Variants in USP7 observed in about 807,000 individuals in gnomAD.
USP7 encodes the protein ubiquitin specific peptidase 7.
In USP7, 9 loss-of-function variants were observed where a neutral mutation model predicts 162.9. The observed-to-expected ratio is 0.06, with a 90% CI of 0.03 to 0.10. USP7 has a LOEUF of 0.10. USP7 is among the 10% of genes least tolerant of loss of function. The pLI is 1.00. For missense variants in USP7, 715 were observed against 1,373.7 expected, an observed-to-expected ratio of 0.52 and a Z score of 7.58; for synonymous variants, 562 against 475.9, an observed-to-expected ratio of 1.18 and a Z score of -2.35.
chr16:8,948,560 C>A (rs1055614568), intron 1 of USP7, among the ~76,000 whole-genome samples: 1 of 152,188 alleles, frequency 6.6e-6, no homozygotes, highest in African/African-American at 2.4e-5. Flanking sequence ...AAAATACTGA[C>A]TAAAGCCTAT....
At position 8,938,644 on chromosome 16, in the gene USP7, A is replaced by G. The variant is rs187022575; in HGVS notation, c.80-8247T>C. On this transcript the variant is annotated intron_variant, in intron 1 of 30. Transcript: ENST00000344836. ...GGAGAATGGCATGAACCTGGGAAGCAGAGTTGCAGTGAGCGGAGATCGCAC... is the reference window on the plus strand; with the variant it reads ...GGAGAATGGCATGAACCTGGGAAGCGGAGTTGCAGTGAGCGGAGATCGCAC... 3.9e-5 allele frequency among the ~76,000 whole-genome samples: 6 copies of G among 152,024 alleles called. No homozygotes were observed. The East Asian group carries it at 1.2e-3, about 29-fold the overall frequency.
rs373148407 is a variant in USP7 at position 8,933,588 on chromosome 16, T to C, written c.80-3191A>G. ...AGCAATGTAGTTTCTTCACTGTATA[T>C]GCACACACTCACACTATGTGTATGC... On this transcript the variant is annotated intron_variant, in intron 1 of 30. Coordinates refer to ENST00000344836, the MANE Select transcript of USP7 (RefSeq NM_003470.3). 3.2e-4 allele frequency among the ~76,000 whole-genome samples: 48 copies of C among 152,190 alleles called. 2 individuals carry two copies. The highest frequency in any genetic ancestry group is 2.9e-3 in the East Asian group (15 of 5,188).
At chr16:8,921,611 T>A (rs1897694574) in intron 3 of USP7, among the ~76,000 whole-genome samples, 2 of 152,332 alleles carry the variant, frequency 1.3e-5, no homozygotes, top group Admixed American at 1.3e-4. Flanking sequence ...AGGGGTCACC[T>A]CTCAGCGTTG....
At chr16:8,894,386 T>G (rs2061649633) in intron 30 of USP7, among the ~76,000 whole-genome samples, 164 bp downstream of exon 30, 1 of 152,172 alleles carries the variant, frequency 6.6e-6, no homozygotes, top group Non-Finnish European at 1.5e-5. Context: ...AAGGACCTGT[T>G]AAGAACTCGT....
Position 8,893,999 on chromosome 16 carries a change from C to T in USP7, c.3308G>A (p.Ter1103=). 1 of 1,614,098 alleles carries T rather than the reference C, an allele frequency of 6.2e-7. No homozygotes were observed. Among genetic ancestry groups the T allele is most frequent in the Non-Finnish European group, 8.5e-7 (1 of 1,179,954 alleles). ...GCCTTGAACACACCAGCTTGGAAATCAGTTATGGATTTTAATGGCCTTTTC... is the reference window on the plus strand; with the variant it reads ...GCCTTGAACACACCAGCTTGGAAATTAGTTATGGATTTTAATGGCCTTTTC... ...YLEKAIKIHN[*] The change falls in exon 31 of 31, where the codon TGA becomes TAA. Residue 1103 remains the stop codon, a stop_retained_variant. Coordinates refer to ENST00000344836, the MANE Select transcript of USP7 (RefSeq NM_003470.3).
intron 1 of USP7, among the ~76,000 whole-genome samples, chr16:8,962,013 T>C (rs1567252903): frequency 6.6e-6 from 1 of 152,204 alleles, no homozygotes; most frequent in Non-Finnish European, 1.5e-5. Context: ...TCAGTGACTA[T>C]CCAATTACTG....
At chr16:8,894,699 C>G in intron 29 of USP7, 59 bp from the exon 30 acceptor site, 1 of 1,612,010 alleles carries the variant, frequency 6.2e-7, no homozygotes, top group Middle Eastern at 1.7e-4. Flanking sequence ...AAACTCACAT[C>G]TCTGGCAAAA....
chr16:8,962,541 G>C (rs1264467832), intron 1 of USP7: 3 of 441,552 alleles, frequency 6.8e-6, no homozygotes, highest in Admixed American at 4.9e-5. Context: ...ACGGTTGCAA[G>C]CGCACACCTG....
At chr16:8,938,869 GGAAGATGTGT>G (rs1898901364) in intron 1 of USP7, among the ~76,000 whole-genome samples, 1 of 152,088 alleles carries the variant, frequency 6.6e-6, no homozygotes, top group Non-Finnish European at 1.5e-5. Flanking sequence ...AAACTATATA[GGAAGATGTGT>G]GAAGATTATA....
At chr16:8,915,189 A>C (rs2062009726) in intron 10 of USP7, 65 bp downstream of exon 10, 4 of 1,420,070 alleles carry the variant, frequency 2.8e-6, no homozygotes, top group Non-Finnish European at 2.9e-6. Flanking sequence ...ACTTGTGTAA[A>C]TGAAACATTA....
rs1567223779 is a variant in USP7 at position 8,919,149 on chromosome 16, C to T, written c.612-10G>A. The T allele has an allele frequency of 6.2e-7, 1 of 1,613,774 alleles. No homozygotes were observed. The highest frequency in any genetic ancestry group is 8.5e-7 in the Non-Finnish European group (1 of 1,179,824). On this transcript the variant is annotated splice_polypyrimidine_tract_variant and intron_variant, in intron 5 of 30. Transcript: ENST00000344836. ...CTTCTTTGAATCCCACCTGAAAGAT[C>T]AGTTCAAGGTTGAGGGGATCTTGCA...
chr16:8,916,984 AAAG>A, intron 7 of USP7, 39 bp downstream of exon 7: 1 of 1,514,632 alleles, frequency 6.6e-7, no homozygotes, highest in Non-Finnish European at 8.8e-7. Context: ...AAAAAAAAAA[AAAG>A]AGGAAGCAGA....
rs187278685 is a variant in USP7, at chr16:8,930,655, C to T, written c.80-258G>A. On this transcript the variant is annotated intron_variant, in intron 1 of 30. Transcript: ENST00000344836. The stretch of plus-strand genomic sequence containing the variant: ...TTGCTTTATTTGCAATGATATTCTG[C>T]ACAAAACTTTTTATATAAAATCTCT... Among the ~76,000 whole-genome samples the T allele has an allele frequency of 1.6e-3, 245 of 152,260 alleles. 1 individual carries two copies. Among genetic ancestry groups the T allele is most frequent in the Non-Finnish European group, 2.7e-3 (182 of 68,008 alleles).
intron 15 of USP7, among the ~76,000 whole-genome samples, chr16:8,904,054 T>C (rs2061821053): frequency 6.6e-6 from 1 of 152,218 alleles, no homozygotes; most frequent in South Asian, 2.1e-4. Flanking sequence ...TCTGGTGGCC[T>C]GACTTCTGAC....
intron 1 of USP7, among the ~76,000 whole-genome samples, chr16:8,939,636 C>A (rs940584053): frequency 1.3e-5 from 2 of 152,166 alleles, no homozygotes; most frequent in Non-Finnish European, 2.9e-5. Flanking sequence ...TGAAGGAAAC[C>A]ATGAATGTTT....
At position 8,920,532 on chromosome 16, in the gene USP7, T is replaced by TTTA. The variant is rs1596378440; in HGVS notation, c.523-86_523-85insTAA. ...GACAAATTACATTAGTGCCCTGTACTTAATAGAGATGAAAATACTTTTTTT... is the reference window on the plus strand; with the variant it reads ...GACAAATTACATTAGTGCCCTGTACTTTATAATAGAGATGAAAATACTTTTTTT... On this transcript the variant is annotated intron_variant, in intron 4 of 30. Coordinates refer to ENST00000344836, the MANE Select transcript of USP7 (RefSeq NM_003470.3). The TTTA allele has an allele frequency of 8.6e-6, 9 of 1,043,920 alleles. No individual in the cohort carries two copies. In the East Asian group the frequency reaches 2.3e-4, roughly 27 times the overall value. The allele number at this position is 1,043,920 out of a possible 1,614,324, so 64.7% of individuals were successfully genotyped here.
chr16:8,911,479 T>C (rs997699551), intron 10 of USP7, among the ~76,000 whole-genome samples: 3 of 152,112 alleles, frequency 2.0e-5, no homozygotes, highest in African/African-American at 7.2e-5. Context: ...ATCCAGAGTG[T>C]ATGGAGAGCT....
intron 1 of USP7, among the ~76,000 whole-genome samples, chr16:8,959,812 C>T (rs1460742427): frequency 6.6e-6 from 1 of 152,062 alleles, no homozygotes; most frequent in African/African-American, 2.4e-5. Context: ...AACCCACCAC[C>T]ACCCCCGTAA....
intron 20 of USP7, 88 bp downstream of exon 20, chr16:8,900,902 T>C (rs1442011942): frequency 1.5e-6 from 2 of 1,355,614 alleles, no homozygotes; most frequent in Admixed American, 2.1e-5. Context: ...GACCTAACAC[T>C]GTAACAAATT....
Sources: gnomAD v4.1 joint callset for allele counts (sites outside exome capture counted in the v4.1 genomes callset) on GRCh38, gnomAD v4.1.1 for gene constraint, MANE v1.5 for transcripts, NCBI Gene and HGNC (gene_info 2026-07-23, HGNC 2026-07-21) for gene names.